Variants in PNPLA6 observed in about 807,000 individuals in gnomAD.
PNPLA6 encodes the protein patatin like domain 6, lysophospholipase, also known as patatin-like phospholipase domain-containing protein 6.
A neutral mutation model predicts 153.7 loss-of-function variants in PNPLA6; 105 were observed. The ratio of observed to expected loss-of-function variants is 0.68; its 90% CI spans 0.58 to 0.80. The LOEUF is 0.80. PNPLA6 is among the 30% of genes least tolerant of loss of function. The pLI, the probability that PNPLA6 is intolerant of heterozygous loss-of-function variation, is 0.00. For synonymous variants in PNPLA6, 825 were observed against 822.2 expected (o/e 1.00, Z -0.06); for missense variants, 1,423 against 1,919.3 (o/e 0.74, Z 4.83).
chr19:7,536,419 A>G, intron 2 of PNPLA6, 30 bp from the exon 3 acceptor site: 2 of 1,534,788 alleles, frequency 1.3e-6, no homozygotes, highest in South Asian at 1.1e-5. Context: ...TGAATTAGCA[A>G]TTCACCCATC....
At chr19:7,552,416 C>A (rs2023689752) in intron 18 of PNPLA6, among the ~76,000 whole-genome samples, 2 of 152,214 alleles carry the variant, frequency 1.3e-5, no homozygotes, top group Non-Finnish European at 1.5e-5. Context: ...AGCCCTAGAT[C>A]CCCCAAGGCG....
upstream of PNPLA6, chr19:7,534,822 C>G (rs1216781732): frequency 6.5e-6 from 1 of 154,242 alleles, no homozygotes; most frequent in Non-Finnish European, 1.4e-5. Context: ...TTCACTACTA[C>G]GTGATAGTAA....
At position 7,553,896 on chromosome 19, in the gene PNPLA6, C is replaced by T. The variant is rs773612863; in HGVS notation, c.2282C>T (p.Pro761Leu). 6.2e-7 allele frequency: 1 copy of T among 1,614,234 alleles called. No homozygotes were observed. The highest frequency in any genetic ancestry group is 8.5e-7 in the Non-Finnish European group (1 of 1,180,052). ...PFPGSGLGVP[P>L]HSELTNPASN... ...GCAGGCTCTGGGTTGGGTGTGCCCC[C>T]ACACTCGGAACTCACCAACCCAGCC... The change falls in exon 19 of 32, where the codon CCA becomes CTA. Residue 761 changes from proline (P) to leucine (L), a missense_variant. Coordinates refer to ENST00000600737, the MANE Select transcript of PNPLA6 (RefSeq NM_001166114.2).
intron 16 of PNPLA6, 111 bp from the exon 17 acceptor site, chr19:7,550,883 C>A: frequency 1.1e-6 from 1 of 938,580 alleles, no homozygotes; most frequent in South Asian, 1.5e-5. Flanking sequence ...TGCTTCCCTA[C>A]ACCCCCATTG....
In PNPLA6 at chr19:7,541,454, C is replaced by A. The variant is rs767447574; in HGVS notation, c.1005+20C>A. The A allele has an allele frequency of 5.6e-6, 9 of 1,612,758 alleles. No homozygotes were observed. Among genetic ancestry groups the A allele is most frequent in the Non-Finnish European group, 7.6e-6 (9 of 1,179,028 alleles). On this transcript the variant is annotated intron_variant, in intron 8 of 31. Coordinates refer to ENST00000600737, the MANE Select transcript of PNPLA6 (RefSeq NM_001166114.2). This position sits in a 1 kb window ranked among gnomAD's most constrained non-coding sequence, Gnocchi z 5.2. ...AGCCACGTGAGTGGGTGGCGGGGAG[C>A]GAGCACAGGGGGGATGGGGGCGAGG...
Position 7,559,025 on chromosome 19 carries a change from C to T in PNPLA6, c.3573C>T (p.Ser1191=), listed in dbSNP as rs1168637370. 4 of 1,614,190 alleles carry T rather than the reference C, an allele frequency of 2.5e-6. No homozygotes were observed. The highest frequency in any genetic ancestry group is 1.3e-5 in the African/African-American group (1 of 75,046). Residue 1191 remains serine (S), a synonymous_variant, in exon 28 of 32, where the codon TCC becomes TCT. Transcript: ENST00000600737. ...VKVPDMAEIQ[S]RLAYVSCVRQ... is the part of the protein sequence containing the mutation. ...TTCCAGACATGGCTGAAATCCAGTC[C>T]CGCCTGGCCTACGTGTCCTGTGTGC... is the stretch of plus-strand genomic sequence containing the variant.
At chr19:7,556,388 T>C in intron 24 of PNPLA6, 65 bp from the exon 25 acceptor site, 2 of 982,460 alleles carry the variant, frequency 2.0e-6, no homozygotes, top group South Asian at 1.3e-5. Flanking sequence ...TCACCCCCTA[T>C]TGATGAACCT....
At chr19:7,560,015 C>T (rs904137461) in intron 28 of PNPLA6, among the ~76,000 whole-genome samples, 7 of 151,988 alleles carry the variant, frequency 4.6e-5, no homozygotes, top group Non-Finnish European at 1.0e-4. Flanking sequence ...TGGCACATGC[C>T]TATAGTCCCA....
At chr19:7,539,764 A>G (rs2023040059) in intron 3 of PNPLA6, among the ~76,000 whole-genome samples, 154 bp from the exon 4 acceptor site, 1 of 149,472 alleles carries the variant, frequency 6.7e-6, no homozygotes, top group Non-Finnish European at 1.5e-5. Flanking sequence ...TCTCAAAAAA[A>G]AAAAAAAAAA....
intron 2 of PNPLA6, 87 bp from the exon 3 acceptor site, chr19:7,536,362 T>G (rs2022870196): frequency 5.0e-6 from 7 of 1,395,426 alleles, no homozygotes; most frequent in Non-Finnish European, 7.1e-6. Flanking sequence ...CCACCGCTCC[T>G]TCCTTGATGG....
chr19:7,548,543 C>T (rs937481731), intron 13 of PNPLA6, among the ~76,000 whole-genome samples: 6 of 151,982 alleles, frequency 3.9e-5, no homozygotes, highest in African/African-American at 1.5e-4. Context: ...CTCGAGATTA[C>T]TTATAATACC....
chr19:7,544,343 C>T (rs1375986415), intron 13 of PNPLA6, among the ~76,000 whole-genome samples: 1 of 152,024 alleles, frequency 6.6e-6, no homozygotes, highest in African/African-American at 2.4e-5. Context: ...AACTCCTGAC[C>T]TCAGGTGATC....
At chr19:7,544,408 A>G (rs2023296749) in intron 13 of PNPLA6, among the ~76,000 whole-genome samples, 1 of 152,172 alleles carries the variant, frequency 6.6e-6, no homozygotes. Flanking sequence ...CACTGTGCCC[A>G]GCCTACTGAG....
intron 16 of PNPLA6, 124 bp from the exon 17 acceptor site, chr19:7,550,870 G>A (rs1019435278): frequency 1.6e-5 from 15 of 916,878 alleles, no homozygotes; most frequent in Non-Finnish European, 2.2e-5. Flanking sequence ...AGCGAGCGAG[G>A]CTTGCTTCCC....
At chr19:7,543,133 A>G (rs767964160) in intron 13 of PNPLA6, 49 bp downstream of exon 13, 53 of 1,506,360 alleles carry the variant, frequency 3.5e-5, no homozygotes, top group Admixed American at 1.0e-4. Flanking sequence ...ATCATTCCCT[A>G]TGACTTCTGT....
At chr19:7,542,181 T>A in intron 10 of PNPLA6, 114 bp downstream of exon 10, 1 of 780,770 alleles carries the variant, frequency 1.3e-6, no homozygotes. Context: ...CTGCCAGTAC[T>A]TCCCCAGGCA....
At position 7,558,947 on chromosome 19, in the gene PNPLA6, C is replaced by T. The variant is rs138837774; in HGVS notation, c.3495C>T (p.Ser1165=). The T allele has an allele frequency of 7.9e-4, 1,273 of 1,614,124 alleles. No homozygotes were observed. Among genetic ancestry groups the T allele is most frequent in the Non-Finnish European group, 1.0e-3 (1,186 of 1,179,988 alleles). The stretch of plus-strand genomic sequence containing the variant: ...TCAGCACCTACGGGGACAGCCTGTC[C>T]GGCTGGTGGCTGCTGTGGAAGCGGC... The part of the protein sequence containing the change: ...TDLSTYGDSL[S]GWWLLWKRLN... The change falls in exon 28 of 32, where the codon TCC becomes TCT. Residue 1165 remains serine (S), a synonymous_variant. Transcript: ENST00000600737.
At chr19:7,536,361 C>T in intron 2 of PNPLA6, 88 bp downstream of exon 2, 1 of 1,412,226 alleles carries the variant, frequency 7.1e-7, no homozygotes, top group Non-Finnish European at 1.0e-6. Flanking sequence ...GCCACCGCTC[C>T]TTCCTTGATG....
At chr19:7,542,982 C>A in intron 12 of PNPLA6, 25 bp from the exon 13 acceptor site, 1 of 1,613,856 alleles carries the variant, frequency 6.2e-7, no homozygotes, top group Non-Finnish European at 8.5e-7. Flanking sequence ...TGGCTGCGCC[C>A]ATCTCAACCC....
Sources: gnomAD v4.1 joint callset for allele counts (sites outside exome capture counted in the v4.1 genomes callset) on GRCh38, gnomAD v4.1.1 for gene constraint, Gnocchi (gnomAD v3.1) non-coding constraint, MANE v1.5 for transcripts, NCBI Gene and HGNC (gene_info 2026-07-23, HGNC 2026-07-21) for gene names.